Variants in PIGF observed in about 807,000 individuals in gnomAD.
PIGF encodes the protein GPI ethanolamine phosphate transferase, stabilizing subunit.
In PIGF, 23 loss-of-function variants were observed where a neutral mutation model predicts 26.0. The ratio of observed to expected loss-of-function variants is 0.88; its 90% confidence interval spans 0.64 to 1.25. PIGF has a LOEUF of 1.25. Among genes scored for constraint, PIGF ranks in the 50% most tolerant of loss-of-function variants. The pLI, the probability that PIGF is intolerant of heterozygous loss-of-function variation, is 0.00. For synonymous variants in PIGF, 93 were observed against 92.6 expected, an observed-to-expected ratio of 1.00 and a Z score of -0.03; for missense variants, 278 against 249.9, an observed-to-expected ratio of 1.11 and a Z score of -0.76.
At chr2:46,616,893 C>G in intron 1 of PIGF, 77 bp downstream of exon 1, 1 of 373,226 alleles carries the variant, frequency 2.7e-6, no homozygotes, top group African/African-American at 2.1e-5. Flanking sequence ...CGCCAAGGCT[C>G]AGGGCTGCTT....
At chr2:46,601,231 G>C (rs1427220639) in intron 4 of PIGF, among the ~76,000 whole-genome samples, 1 of 151,998 alleles carries the variant, frequency 6.6e-6, no homozygotes, top group Non-Finnish European at 1.5e-5. Flanking sequence ...AGTCAATAGG[G>C]CTCAGAATAA....
At chr2:46,608,646 T>C (rs1470486141) in intron 4 of PIGF, among the ~76,000 whole-genome samples, 1 of 152,238 alleles carries the variant, frequency 6.6e-6, no homozygotes, top group Non-Finnish European at 1.5e-5. Flanking sequence ...AATTACTCCT[T>C]GATCCGTGGG....
intron 5 of PIGF, 41 bp downstream of exon 5, chr2:46,592,434 T>C (rs1464089105): frequency 7.0e-6 from 7 of 999,904 alleles, no homozygotes; most frequent in Middle Eastern, 2.1e-4. Context: ...ACTATCATTG[T>C]ACAAACATTT....
Position 46,581,591 on chromosome 2 carries a change from C to T in PIGF, c.547G>A (p.Val183Ile), listed in dbSNP as rs1325314281. 2 of 1,610,898 alleles carry T rather than the reference C, an allele frequency of 1.2e-6. No homozygotes were observed. The highest frequency in any genetic ancestry group is 1.1e-5 in the South Asian group (1 of 90,898). ...IPLDWERPWQVWPISCTLGAT... is the reference protein window; with the variant it reads ...IPLDWERPWQIWPISCTLGAT... Reference sequence around the variant, plus strand: ...CCAAGCGTACAGGAGATGGGCCATACCTGAGGAGAGAATGTATGAGATCAA... The same window carrying T: ...CCAAGCGTACAGGAGATGGGCCATATCTGAGGAGAGAATGTATGAGATCAA... Residue 183 changes from valine to isoleucine, a missense_variant and splice_region_variant, in exon 6 of 6, where the codon GTA (valine) becomes ATA (isoleucine). Transcript: ENST00000281382.
intron 4 of PIGF, among the ~76,000 whole-genome samples, chr2:46,596,508 T>C (rs933462439): frequency 6.6e-6 from 1 of 152,128 alleles, no homozygotes. Flanking sequence ...TTCATATTTA[T>C]CAAAATAATA....
chr2:46,594,825 C>T (rs1288639426), intron 4 of PIGF, among the ~76,000 whole-genome samples: 6 of 147,402 alleles, frequency 4.1e-5, no homozygotes, highest in Non-Finnish European at 7.4e-5. Context: ...TGAGCCACTG[C>T]GCCCGGCCCT....
At chr2:46,592,795 G>A (rs891340642) in intron 4 of PIGF, among the ~76,000 whole-genome samples, 10 of 152,134 alleles carry the variant, frequency 6.6e-5, no homozygotes, top group African/African-American at 2.2e-4. Flanking sequence ...ATATACAGAC[G>A]CACTAGGAGT....
At chr2:46,601,611 C>T (rs891557744) in intron 4 of PIGF, among the ~76,000 whole-genome samples, 1 of 152,026 alleles carries the variant, frequency 6.6e-6, no homozygotes, top group African/African-American at 2.4e-5. Flanking sequence ...TTTCCTTCCC[C>T]ACTGAATATT....
At chr2:46,604,457 G>A (rs912265002) in intron 4 of PIGF, among the ~76,000 whole-genome samples, 1 of 151,618 alleles carries the variant, frequency 6.6e-6, no homozygotes, top group African/African-American at 2.4e-5. Flanking sequence ...AGCAACCTAA[G>A]TGTCTATCAA....
At chr2:46,616,877 T>G (rs1572792084) in intron 1 of PIGF, 93 bp downstream of exon 1, 4 of 309,088 alleles carry the variant, frequency 1.3e-5, no homozygotes, top group Non-Finnish European at 1.2e-5. Context: ...CGCCGGCGGG[T>G]CGGGGCGCCA....
chr2:46,616,107 C>T (rs1157176503), intron 1 of PIGF: 2 of 152,054 alleles, frequency 1.3e-5, no homozygotes, highest in African/African-American at 4.8e-5. Context: ...GAAAGGCGAA[C>T]CTGGGCCTTA....
At chr2:46,612,852 T>C (rs1047957838) in intron 3 of PIGF, among the ~76,000 whole-genome samples, 16 of 152,194 alleles carry the variant, frequency 1.1e-4, no homozygotes, top group Non-Finnish European at 1.8e-4. Flanking sequence ...GCTTGAGTAT[T>C]TGCATTTTGA....
chr2:46,616,523 T>G (rs771392144), intron 1 of PIGF: 1 of 153,056 alleles, frequency 6.5e-6, no homozygotes, highest in South Asian at 2.0e-4. Context: ...GGTTAGGCCC[T>G]GGCGTGCCCC....
At chr2:46,593,015 C>A (rs1669770031) in intron 4 of PIGF, among the ~76,000 whole-genome samples, 2 of 152,002 alleles carry the variant, frequency 1.3e-5, no homozygotes, top group Non-Finnish European at 2.9e-5. Flanking sequence ...ATGTATATTT[C>A]TTCAAAACAA....
intron 4 of PIGF, among the ~76,000 whole-genome samples, chr2:46,610,056 G>A (rs983911843): frequency 6.6e-6 from 1 of 152,156 alleles, no homozygotes; most frequent in African/African-American, 2.4e-5. Flanking sequence ...AATGAGGTAT[G>A]CCTGTATTTT....
chr2:46,613,002 A>G (rs116762445), intron 3 of PIGF, among the ~76,000 whole-genome samples: 1 of 151,974 alleles, frequency 6.6e-6, no homozygotes, highest in African/African-American at 2.4e-5. Flanking sequence ...CTAGAAAAGA[A>G]TAACCTGTCA....
chr2:46,599,114 G>A (rs528906003), intron 4 of PIGF, among the ~76,000 whole-genome samples: 1 of 152,204 alleles, frequency 6.6e-6, no homozygotes, highest in African/African-American at 2.4e-5. Flanking sequence ...TGAGATGTAG[G>A]ATTTCGTTTA....
chr2:46,602,828 T>C (rs890554728), intron 4 of PIGF, among the ~76,000 whole-genome samples: 11 of 151,812 alleles, frequency 7.2e-5, no homozygotes, highest in African/African-American at 2.7e-4. Context: ...ATAGAATTCT[T>C]TGAAATTAAA....
At chr2:46,583,434 T>TA (rs910784090) in intron 5 of PIGF, among the ~76,000 whole-genome samples, 18 of 152,254 alleles carry the variant, frequency 1.2e-4, no homozygotes, top group African/African-American at 4.3e-4. Context: ...CTCAAGATGG[T>TA]AAAAATCATG....
Sources: gnomAD v4.1 joint callset for allele counts (sites outside exome capture counted in the v4.1 genomes callset) on GRCh38, gnomAD v4.1.1 for gene constraint, MANE v1.5 for transcripts, NCBI Gene and HGNC (gene_info 2026-07-23, HGNC 2026-07-21) for gene names.